The following SPOCK3 variants were observed in gnomAD, a reference collection of about 807,000 sequenced individuals.
SPOCK3 encodes the protein testican-3.
Under a neutral mutation model 56.6 loss-of-function variants are expected in SPOCK3, and 30 were observed. The observed-to-expected ratio is 0.53, with a 90% CI of 0.40 to 0.72. The LOEUF is 0.72. Ranked by LOEUF, SPOCK3 falls within the 30% of genes least tolerant of loss-of-function variation. The pLI, the probability that SPOCK3 is intolerant of heterozygous loss-of-function variation, is 0.00. For synonymous variants in SPOCK3, 196 were observed against 183.3 expected (o/e 1.07, Z -0.56); for missense variants, 527 against 530.0 (o/e 0.99, Z 0.06).
At chr4:166,874,705 A>G (rs1284100688) in intron 6 of SPOCK3, among the ~76,000 whole-genome samples, 2 of 152,170 alleles carry the variant, frequency 1.3e-5, no homozygotes, top group Admixed American at 6.6e-5. Context: ...TAAATAGAAG[A>G]CTTTATGATA....
intron 6 of SPOCK3, among the ~76,000 whole-genome samples, chr4:166,831,341 A>G (rs1579350684): frequency 6.6e-6 from 1 of 152,202 alleles, no homozygotes; most frequent in African/African-American, 2.4e-5. Context: ...AATTTGGGGT[A>G]GAAACTGGTA....
chr4:166,787,666 T>C (rs958242576), intron 7 of SPOCK3, among the ~76,000 whole-genome samples: 1 of 152,154 alleles, frequency 6.6e-6, no homozygotes, highest in African/African-American at 2.4e-5. Flanking sequence ...TTACTAAGAA[T>C]AACTCTGTTT....
chr4:167,200,823 A>C (rs2110923302), intron 2 of SPOCK3, among the ~76,000 whole-genome samples: 1 of 152,176 alleles, frequency 6.6e-6, no homozygotes. Context: ...TAAAAACAAA[A>C]GTACCTGGAA....
At chr4:166,909,523 T>TA (rs554759153) in intron 5 of SPOCK3, among the ~76,000 whole-genome samples, 9 of 151,148 alleles carry the variant, frequency 6.0e-5, no homozygotes, top group South Asian at 4.2e-4. Flanking sequence ...TTTGTAGTAT[T>TA]AAAAAAAAAC....
chr4:167,058,583 A>C (rs1281221698), intron 3 of SPOCK3, among the ~76,000 whole-genome samples: 3 of 152,160 alleles, frequency 2.0e-5, no homozygotes, highest in African/African-American at 7.2e-5. Context: ...GCCCAAGGTA[A>C]TTTATAGATT....
chr4:167,096,060 T>G (rs551457030), intron 2 of SPOCK3, among the ~76,000 whole-genome samples: 1 of 151,986 alleles, frequency 6.6e-6, no homozygotes, highest in Admixed American at 6.6e-5. Context: ...AAAATAGCTA[T>G]TGGCTTTCTA....
intron 4 of SPOCK3, among the ~76,000 whole-genome samples, chr4:166,984,306 G>A (rs914792336): frequency 3.9e-5 from 6 of 151,960 alleles, no homozygotes; most frequent in African/African-American, 4.8e-5. Flanking sequence ...GAACCAAGGC[G>A]AATTAGGAAT....
intron 6 of SPOCK3, among the ~76,000 whole-genome samples, chr4:166,840,855 T>C (rs888182259): frequency 1.4e-5 from 2 of 141,090 alleles, no homozygotes; most frequent in South Asian, 4.8e-4. Flanking sequence ...CTCGGGTCAC[T>C]GCAAGGTCCG....
At chr4:166,952,484 A>G (rs1742786826) in intron 4 of SPOCK3, among the ~76,000 whole-genome samples, 1 of 152,200 alleles carries the variant, frequency 6.6e-6, no homozygotes, top group African/African-American at 2.4e-5. Flanking sequence ...GGAAGAATCA[A>G]TATCGTGAAA....
chr4:166,786,788 G>A (rs907230177), intron 7 of SPOCK3, among the ~76,000 whole-genome samples: 3 of 152,070 alleles, frequency 2.0e-5, no homozygotes, highest in South Asian at 2.1e-4. Context: ...GGCCCTTGTC[G>A]TGGCCACTAT....
intron 2 of SPOCK3, among the ~76,000 whole-genome samples, chr4:167,226,318 G>A (rs1409621875): frequency 6.6e-6 from 1 of 152,032 alleles, no homozygotes; most frequent in Non-Finnish European, 1.5e-5. Flanking sequence ...AGAACAGTAG[G>A]TACTAGGTGT....
At chr4:166,892,819 T>C (rs148078449) in intron 5 of SPOCK3, among the ~76,000 whole-genome samples, 22 of 152,146 alleles carry the variant, frequency 1.4e-4, no homozygotes, top group African/African-American at 4.6e-4. Flanking sequence ...TATTTTACAG[T>C]CATTTGTTTA....
chr4:166,783,001 T>C (rs999680659), intron 7 of SPOCK3, among the ~76,000 whole-genome samples: 3 of 152,214 alleles, frequency 2.0e-5, no homozygotes, highest in Non-Finnish European at 2.9e-5. Flanking sequence ...ATACTGTGCA[T>C]AGTATGAGCT....
chr4:167,204,791 T>G (rs1324015732), intron 2 of SPOCK3, among the ~76,000 whole-genome samples: 1 of 151,910 alleles, frequency 6.6e-6, no homozygotes, highest in Non-Finnish European at 1.5e-5. Context: ...GACGGGTCTT[T>G]GTTATAGGAA....
intron 2 of SPOCK3, among the ~76,000 whole-genome samples, chr4:167,166,334 C>A (rs1765757076): frequency 6.6e-6 from 1 of 152,032 alleles, no homozygotes; most frequent in Admixed American, 6.6e-5. Flanking sequence ...CCAGTAGGCA[C>A]AATTCTTTTC....
chr4:166,952,608 A>C (rs1056044228), intron 4 of SPOCK3, among the ~76,000 whole-genome samples: 3 of 152,186 alleles, frequency 2.0e-5, no homozygotes, highest in Admixed American at 6.6e-5. Context: ...GGAACCAAAA[A>C]AGAGCCCGCA....
At chr4:167,103,629 T>A (rs1464763838) in intron 2 of SPOCK3, among the ~76,000 whole-genome samples, 3 of 152,162 alleles carry the variant, frequency 2.0e-5, no homozygotes, top group Non-Finnish European at 1.5e-5. Flanking sequence ...GGCTCCCAGA[T>A]GGCATCTCTG....
At chr4:167,129,996 G>A (rs1328404623) in intron 2 of SPOCK3, among the ~76,000 whole-genome samples, 2 of 152,184 alleles carry the variant, frequency 1.3e-5, no homozygotes, top group East Asian at 3.9e-4. Flanking sequence ...TTCCAATTAT[G>A]TTTTCCAAAA....
chr4:167,012,677 T>C (rs1579993467), intron 3 of SPOCK3, among the ~76,000 whole-genome samples: 1 of 152,006 alleles, frequency 6.6e-6, no homozygotes, highest in African/African-American at 2.4e-5. Flanking sequence ...TACATAGCCA[T>C]CTTTCATTTG....
Sources: allele counts gnomAD v4.1 joint callset (sites outside exome capture counted in the v4.1 genomes callset), GRCh38; gene constraint gnomAD v4.1.1; transcripts MANE v1.5; gene names NCBI Gene and HGNC (gene_info 2026-07-23, HGNC 2026-07-21).